NRXN2: variants seen among roughly 807,000 people sequenced by gnomAD.
NRXN2 encodes neurexin 2.
In NRXN2, 29 loss-of-function variants were observed where a neutral mutation model predicts 128.8. The observed-to-expected ratio is 0.23, with a 90% confidence interval of 0.17 to 0.31. The LOEUF (loss-of-function observed/expected upper bound fraction) is 0.31, where lower values mean the gene tolerates loss of function less well. Ranked by LOEUF, NRXN2 falls within the 10% of genes least tolerant of loss-of-function variation. The probability of loss-of-function intolerance (pLI) is 1.00; values close to 1 mark genes in which losing one functional copy is unlikely to be tolerated. For synonymous variants in NRXN2, 1,098 were observed against 1,075.2 expected (o/e 1.02, Z -0.41); for missense variants, 1,881 against 2,452.6 (o/e 0.77, Z 4.92).
rs2052957890 is a variant in NRXN2, at chr11:64,685,812, T to C, written c.986A>G (p.His329Arg). 6.2e-7 allele frequency: 1 copy of C among 1,614,234 alleles called. No individual in the cohort carries two copies. The highest frequency in any genetic ancestry group is 1.1e-5 in the South Asian group (1 of 91,086). Residue 329 changes from histidine to arginine, a missense_variant, in exon 6 of 23, where the codon CAT becomes CGT. His to Arg is a conservative substitution (Grantham distance 29, BLOSUM62 0). Around this residue, in one of 7 missense-constraint regions of NRXN2, gnomAD observed 997 missense variants for 1,240.8 expected, o/e 0.80. Transcript: ENST00000265459. ...GACGTAGTCGGCCGACTTGCCTGTATGCAGCATCAGGCCGTTGCGTTGCAG... is the reference window on the plus strand; with the variant it reads ...GACGTAGTCGGCCGACTTGCCTGTACGCAGCATCAGGCCGTTGCGTTGCAG... ...RTLQRNGLML[H>R]TGKSADYVNL...
At chr11:64,706,735 T>C (rs2056373693) in intron 2 of NRXN2, among the ~76,000 whole-genome samples, 1 of 152,144 alleles carries the variant, frequency 6.6e-6, no homozygotes, top group African/African-American at 2.4e-5. Context: ...GCTCCTTTGC[T>C]TCAAACGACT....
At chr11:64,617,874 C>T (rs925555153) in intron 22 of NRXN2, among the ~76,000 whole-genome samples, 1 of 152,226 alleles carries the variant, frequency 6.6e-6, no homozygotes, top group Non-Finnish European at 1.5e-5. Flanking sequence ...GACGTGTAAG[C>T]ATGTGCGATG....
At chr11:64,662,415 C>T (rs903939234) in intron 9 of NRXN2, among the ~76,000 whole-genome samples, 1 of 152,162 alleles carries the variant, frequency 6.6e-6, no homozygotes, top group African/African-American at 2.4e-5. Context: ...GAAACCTATA[C>T]CTTAGAAATT....
In NRXN2 at chr11:64,632,221, G is replaced by C. The variant is rs1313864793; in HGVS notation, c.3586-1648C>G. Among the ~76,000 whole-genome samples the C allele has an allele frequency of 2.0e-5, 3 of 152,192 alleles. No individual in the cohort carries two copies. The highest frequency in any genetic ancestry group is 7.2e-5 in the African/African-American group (3 of 41,430). On this transcript the variant is annotated intron_variant, in intron 18 of 22. Coordinates refer to ENST00000265459, the MANE Select transcript of NRXN2 (RefSeq NM_015080.4). This position sits in a 1 kb window ranked among gnomAD's most constrained non-coding sequence, Gnocchi z 4.2. The stretch of plus-strand genomic sequence containing the variant: ...TATCCCTTCCCACTTGTGGGGTCCA[G>C]TTGTCTCCTTCTCAGAACCTGGGAA...
chr11:64,651,185 A>G lies in NRXN2; in HGVS notation c.2918+70T>C. The G allele has an allele frequency of 1.3e-6, 2 of 1,598,908 alleles. No homozygotes were observed. Among genetic ancestry groups the G allele is most frequent in the South Asian group, 1.1e-5 (1 of 90,186 alleles). ...TTGGACACCTCGGCCAGTAGCCAGG[A>G]GAGCTGTATGTGGTTCAGCAGGGGG... On this transcript the variant is annotated intron_variant, in intron 14 of 22. Coordinates refer to ENST00000265459, the MANE Select transcript of NRXN2 (RefSeq NM_015080.4). The surrounding 1 kb of genome is among the most constrained non-coding windows in gnomAD (Gnocchi z 5.9).
intron 19 of NRXN2, among the ~76,000 whole-genome samples, chr11:64,627,923 C>T (rs1034105614): frequency 5.9e-5 from 9 of 152,302 alleles, no homozygotes; most frequent in Admixed American, 2.6e-4. Flanking sequence ...CTATGTACAC[C>T]TCCCATGAAG....
chr11:64,707,071 C>A (rs2056410998), intron 2 of NRXN2, among the ~76,000 whole-genome samples: 1 of 151,632 alleles, frequency 6.6e-6, no homozygotes, highest in African/African-American at 2.4e-5. Flanking sequence ...CCATGTATCA[C>A]CATTTTATAC....
At position 64,690,429 on chromosome 11, in the gene NRXN2, C is replaced by G; in HGVS notation, c.826G>C (p.Gly276Arg). Reference protein sequence around the residue: ...SEGGAGRGGAGDVHQPTKGKE... With the variant: ...SEGGAGRGGARDVHQPTKGKE... ...CCTTTTGTTGGCTGGTGCACATCGC[C>G]GGCTCCTCCTCTCCCGGCCCCCCCC... The change falls in exon 5 of 23, where the codon GGC (glycine) becomes CGC (arginine). Residue 276 changes from glycine to arginine, a missense_variant. Physicochemically the swap from Gly to Arg is moderately radical, Grantham distance 125. Transcript: ENST00000265459. The G allele has an allele frequency of 6.2e-7, 1 of 1,613,388 alleles. No homozygotes were observed. The highest frequency in any genetic ancestry group is 1.1e-5 in the South Asian group (1 of 90,862).
chr11:64,639,475 C>A (rs1272728594), intron 17 of NRXN2, among the ~76,000 whole-genome samples: 1 of 152,154 alleles, frequency 6.6e-6, no homozygotes, highest in Non-Finnish European at 1.5e-5. Flanking sequence ...CCATTCCTGG[C>A]CCGACAGTAC....
chr11:64,653,757 G>A (rs759597656), intron 11 of NRXN2, 35 bp from the exon 12 acceptor site: 130 of 1,504,238 alleles, frequency 8.6e-5, no homozygotes, highest in Non-Finnish European at 1.1e-4. Flanking sequence ...AGGGGAAGGG[G>A]AGACAAAAAG....
Position 64,685,939 on chromosome 11 carries a change from C to T in NRXN2, c.859G>A (p.Glu287Lys). 1 of 1,614,176 alleles carries T rather than the reference C, an allele frequency of 6.2e-7. No individual in the cohort carries two copies. Residue 287 changes from glutamate to lysine, a missense_variant, in exon 6 of 23, where the codon GAG becomes AAG. Coordinates refer to ENST00000265459, the MANE Select transcript of NRXN2 (RefSeq NM_015080.4). ...TTGCCTTTGAAGGTCGCCACAAACTCCTCCTTGCCTGGATGCCGTGGTGTG... is the reference window on the plus strand; with the variant it reads ...TTGCCTTTGAAGGTCGCCACAAACTTCTCCTTGCCTGGATGCCGTGGTGTG... ...DVHQPTKGKE[E>K]FVATFKGNEF...
chr11:64,710,709 CA>C (rs2056807545), intron 2 of NRXN2, among the ~76,000 whole-genome samples: 2 of 152,294 alleles, frequency 1.3e-5, no homozygotes, highest in African/African-American at 4.8e-5. Context: ...AGTCCTCATG[CA>C]ATCCGGCTGT....
intron 17 of NRXN2, among the ~76,000 whole-genome samples, chr11:64,643,952 C>A (rs2046245154): frequency 6.6e-6 from 1 of 151,574 alleles, no homozygotes; most frequent in African/African-American, 2.4e-5. Context: ...TCTGCACCAC[C>A]CCTCGCAACG....
At position 64,607,510 on chromosome 11, in the gene NRXN2, G is replaced by A. The variant is rs1291555971; in HGVS notation, c.4825C>T (p.Leu1609=). The A allele has an allele frequency of 6.3e-7, 1 of 1,592,918 alleles. No individual in the cohort carries two copies. The highest frequency in any genetic ancestry group is 8.5e-7 in the Non-Finnish European group (1 of 1,172,108). The stretch of plus-strand genomic sequence containing the variant: ...GGCCCTGTGGGGTTGGCTGTGGGCA[G>A]ATGGGGGAAGCCGGGGGCTGAGGTC... ...GVTSAPGFPH[L]PTANPTGPGE... is the part of the protein sequence containing the mutation. Residue 1609 remains leucine (L), a synonymous_variant, in exon 23 of 23, where the codon CTG becomes TTG. Transcript: ENST00000265459.
At chr11:64,652,689 A>G (rs765508632) in intron 12 of NRXN2, among the ~76,000 whole-genome samples, 13 of 152,136 alleles carry the variant, frequency 8.5e-5, no homozygotes, top group Non-Finnish European at 1.3e-4. Flanking sequence ...TCCATCTACA[A>G]TGGGACCCGA....
intron 11 of NRXN2, 100 bp from the exon 12 acceptor site, chr11:64,653,822 C>T (rs1397897519): frequency 2.8e-5 from 25 of 901,686 alleles, no homozygotes; most frequent in Admixed American, 7.0e-5. Context: ...TGTCTGCGGG[C>T]GGGGTTCCCC....
Position 64,630,699 on chromosome 11 carries a change from C to G in NRXN2, c.3586-126G>C. On this transcript the variant is annotated intron_variant, in intron 18 of 22. Transcript: ENST00000265459. This position sits in a 1 kb window ranked among gnomAD's most constrained non-coding sequence, Gnocchi z 4.6. ...TAAGGCACCTTTCCCAGGTCTCAAC[C>G]GCTGGAGGAGGTGGGCAGGCTCGCT... 1 of 1,126,500 alleles carries G rather than the reference C, an allele frequency of 8.9e-7. No individual in the cohort carries two copies. Among genetic ancestry groups the G allele is most frequent in the Admixed American group, 2.0e-5 (1 of 50,238 alleles). The allele number at this position is 1,126,500 out of a possible 1,614,324, so 69.8% of individuals were successfully genotyped here.
At chr11:64,710,582 C>CCGTAGCT (rs1163979138) in intron 2 of NRXN2, among the ~76,000 whole-genome samples, 4 of 152,126 alleles carry the variant, frequency 2.6e-5, no homozygotes, top group African/African-American at 7.2e-5. Flanking sequence ...CCCTAACCTC[C>CCGTAGCT]CGTAGCTCGA....
chr11:64,617,288 T>C (rs2041686108), intron 22 of NRXN2, among the ~76,000 whole-genome samples: 2 of 152,152 alleles, frequency 1.3e-5, no homozygotes, highest in Admixed American at 6.5e-5. Context: ...ATACAGACCC[T>C]GCCTCTGTGG....
Sources: allele counts gnomAD v4.1 joint callset (sites outside exome capture counted in the v4.1 genomes callset), GRCh38; gene constraint gnomAD v4.1.1; regional missense constraint gnomAD v4.1.1; non-coding constraint Gnocchi (gnomAD v3.1); transcripts MANE v1.5; gene names NCBI Gene and HGNC (gene_info 2026-07-23, HGNC 2026-07-21).